The following MAP3K12 variants were observed in gnomAD, a reference collection of about 807,000 sequenced individuals.
The protein encoded by MAP3K12 is MAPK-upstream kinase.
In MAP3K12, 14 loss-of-function variants were observed where a neutral mutation model predicts 87.5. That is an observed-to-expected ratio of 0.16 (90% CI 0.11 to 0.25). The LOEUF (loss-of-function observed/expected upper bound fraction) is 0.25, where lower values mean the gene tolerates loss of function less well. Ranked by LOEUF, MAP3K12 falls within the 10% of genes least tolerant of loss-of-function variation. The pLI is 1.00. For synonymous variants in MAP3K12, 469 were observed against 452.5 expected (o/e 1.04, Z -0.46); for missense variants, 802 against 1,140.4 (o/e 0.70, Z 4.27).
At chr12:53,482,451 C>T (rs1274598689) in intron 11 of MAP3K12, 82 bp from the exon 12 acceptor site, 32 of 1,606,440 alleles carry the variant, frequency 2.0e-5, no homozygotes, top group Middle Eastern at 1.7e-4. Flanking sequence ...AACATAGTTA[C>T]GAAGGGTGAA....
At chr12:53,493,430 A>G (rs1943470864) in intron 1 of MAP3K12, among the ~76,000 whole-genome samples, 1 of 152,146 alleles carries the variant, frequency 6.6e-6, no homozygotes, top group Non-Finnish European at 1.5e-5. Context: ...TTGGGGGTGC[A>G]GTACCACAGG....
In MAP3K12 at chr12:53,485,415, C is replaced by T. The variant is rs748037213; in HGVS notation, c.882G>A (p.Leu294=). The T allele has an allele frequency of 8.1e-6, 13 of 1,614,094 alleles. No individual in the cohort carries two copies. The highest frequency in any genetic ancestry group is 1.1e-5 in the Non-Finnish European group (13 of 1,180,048). Residue 294 remains leucine (L), a synonymous_variant, in exon 5 of 14, where the codon CTG becomes CTA. Coordinates refer to ENST00000547488, the MANE Select transcript of MAP3K12 (RefSeq NM_001193511.2). ...KISDFGTSKE[L]SDKSTKMSFA... The stretch of plus-strand genomic sequence containing the variant: ...AGGACATCTTGGTGCTCTTGTCACT[C>T]AGCTCCTTGGAAGTGCCAAAATCTG...
rs771036403 is a variant in MAP3K12 at position 53,487,264 on chromosome 12, G to A, written c.128C>T (p.Thr43Met). Residue 43 changes from threonine (T) to methionine (M), a missense_variant, in exon 2 of 14, where the codon ACG becomes ATG. Coordinates refer to ENST00000547488, the MANE Select transcript of MAP3K12 (RefSeq NM_001193511.2). Reference protein sequence around the residue: ...TSDCTPEKDLTPTQCVLRDVV... With the variant: ...TSDCTPEKDLMPTQCVLRDVV... ...ATCTCGAAGTACACACTGGGTAGGCGTCAGGTCCTTCTCGGGAGTGCAGTC... is the reference window on the plus strand; with the variant it reads ...ATCTCGAAGTACACACTGGGTAGGCATCAGGTCCTTCTCGGGAGTGCAGTC... 7 of 1,613,936 alleles carry A rather than the reference G, an allele frequency of 4.3e-6. No homozygotes were observed. Among genetic ancestry groups the A allele is most frequent in the Admixed American group, 1.7e-5 (1 of 60,000 alleles).
At chr12:53,490,184 G>A (rs1446923871) in intron 1 of MAP3K12, among the ~76,000 whole-genome samples, 3 of 152,228 alleles carry the variant, frequency 2.0e-5, no homozygotes, top group Middle Eastern at 3.4e-3. Context: ...GGCACCTGTA[G>A]TCCCAGCTAC....
rs1943429397 is a variant in MAP3K12 at position 53,492,129 on chromosome 12, C to T, written c.-37-4701G>A. On this transcript the variant is annotated intron_variant, in intron 1 of 13. Transcript: ENST00000547488. ...AAAGAAGCTCAAGCTTCACCCCCAG[C>T]CTGGAAGGCGCTTCTCATCTCTATC... Among the ~76,000 whole-genome samples the T allele has an allele frequency of 1.3e-5, 2 of 152,068 alleles. 1 individual carries two copies. The highest frequency in any genetic ancestry group is 2.9e-5 in the Non-Finnish European group (2 of 68,004).
In MAP3K12 at chr12:53,486,561, C is replaced by T; in HGVS notation, c.507G>A (p.Gln169=). The part of the protein sequence containing the change: ...LDLQWVGSGA[Q]GAVFLGRFHG... Reference sequence around the variant, plus strand: ...GGAAGCGCCCCAGGAAGACAGCACCCTGGGCCCCTGAGCCCACCCACTGCA... The same window carrying T: ...GGAAGCGCCCCAGGAAGACAGCACCTTGGGCCCCTGAGCCCACCCACTGCA... Residue 169 remains glutamine (Q), a synonymous_variant, in exon 3 of 14, where the codon CAG becomes CAA. Coordinates refer to ENST00000547488, the MANE Select transcript of MAP3K12 (RefSeq NM_001193511.2). This position sits in a 1 kb window ranked among gnomAD's most constrained non-coding sequence, Gnocchi z 4.9. 9.3e-6 allele frequency: 15 copies of T among 1,613,980 alleles called. No homozygotes were observed. Among genetic ancestry groups the T allele is most frequent in the Non-Finnish European group, 1.3e-5 (15 of 1,179,962 alleles).
chr12:53,491,631 C>T (rs1013636993), intron 1 of MAP3K12, among the ~76,000 whole-genome samples: 1 of 151,676 alleles, frequency 6.6e-6, no homozygotes, highest in Non-Finnish European at 1.5e-5. Context: ...GACCGGGTTT[C>T]ACCGTGTTAG....
At position 53,482,160 on chromosome 12, in the gene MAP3K12, C is replaced by T. The variant is rs1943073301; in HGVS notation, c.2361G>A (p.Glu787=). 1.9e-6 allele frequency: 3 copies of T among 1,614,234 alleles called. No individual in the cohort carries two copies. Among genetic ancestry groups the T allele is most frequent in the African/African-American group, 1.3e-5 (1 of 75,066 alleles). ...TGCCTTCCTCCCCATCTGATGGATT[C>T]TCTGAGCTGAAGGTAGATAGTGACT... The part of the protein sequence containing the change: ...MRQSLSTFSS[E]NPSDGEEGTA... Residue 787 remains glutamate, a synonymous_variant, in exon 13 of 14, where the codon GAG becomes GAA. Coordinates refer to ENST00000547488, the MANE Select transcript of MAP3K12 (RefSeq NM_001193511.2).
chr12:53,486,067 G>C lies in MAP3K12; in HGVS notation c.810C>G (p.Leu270=). 2 of 1,607,214 alleles carry C rather than the reference G, an allele frequency of 1.2e-6. No individual in the cohort carries two copies. Among genetic ancestry groups the C allele is most frequent in the South Asian group, 1.1e-5 (1 of 90,038 alleles). Residue 270 remains leucine (L), a synonymous_variant, in exon 4 of 14, where the codon CTC becomes CTG. Transcript: ENST00000547488. This position sits in a 1 kb window ranked among gnomAD's most constrained non-coding sequence, Gnocchi z 4.9. ...LHLHKIIHRD[L]KSPNMLITYD... Reference sequence around the variant, plus strand: ...GCTTGCTTACTCACTTGGGTGACTTGAGATCCCTGTGGATAATCTTGTGCA... The same window carrying C: ...GCTTGCTTACTCACTTGGGTGACTTCAGATCCCTGTGGATAATCTTGTGCA...
intron 5 of MAP3K12, 51 bp from the exon 6 acceptor site, chr12:53,485,265 A>G (rs1193945108): frequency 8.1e-6 from 13 of 1,601,546 alleles, no homozygotes; most frequent in South Asian, 1.1e-5. Context: ...GTTGCCCACA[A>G]TCCCCCCAGG....
At chr12:53,483,780 G>C in intron 8 of MAP3K12, 57 bp from the exon 9 acceptor site, 1 of 1,612,450 alleles carries the variant, frequency 6.2e-7, no homozygotes, top group Non-Finnish European at 8.5e-7. Context: ...GGCCATAACA[G>C]ATCTCAGTCT....
intron 7 of MAP3K12, 61 bp from the exon 8 acceptor site, chr12:53,484,081 A>G: frequency 6.5e-7 from 1 of 1,549,090 alleles, no homozygotes; most frequent in Non-Finnish European, 8.9e-7. Context: ...AAGGCTCTGC[A>G]GGTTGCCCAC....
intron 1 of MAP3K12, among the ~76,000 whole-genome samples, chr12:53,495,706 C>T (rs961264733): frequency 3.9e-5 from 6 of 152,074 alleles, no homozygotes; most frequent in South Asian, 2.1e-4. Flanking sequence ...TTTTATTTTC[C>T]ATTTTTCAGG....
chr12:53,498,072 T>C (rs1295816870), intron 1 of MAP3K12, among the ~76,000 whole-genome samples: 1 of 152,182 alleles, frequency 6.6e-6, no homozygotes, highest in African/African-American at 2.4e-5. Flanking sequence ...GTCTCCATGT[T>C]GAGAGCTGGG....
At chr12:53,501,194 C>A, upstream of MAP3K12, 2 of 585,994 alleles carry the variant, frequency 3.4e-6, no homozygotes, top group Non-Finnish European at 6.0e-6. Flanking sequence ...CCTGCCCGGG[C>A]GAGCCACGCA....
intron 4 of MAP3K12, 132 bp downstream of exon 4, chr12:53,485,924 G>T: frequency 1.3e-6 from 1 of 780,718 alleles, no homozygotes; most frequent in Non-Finnish European, 2.0e-6. Flanking sequence ...TCTGAGATGG[G>T]ACTGTCACTT....
At chr12:53,492,622 A>G (rs989125807) in intron 1 of MAP3K12, among the ~76,000 whole-genome samples, 2 of 152,080 alleles carry the variant, frequency 1.3e-5, no homozygotes, top group African/African-American at 4.8e-5. Flanking sequence ...CCCACGCGTT[A>G]TTTGTGGCTT....
rs1443128040 is a variant in MAP3K12 at position 53,487,251 on chromosome 12, A to C, written c.141T>G (p.Cys47Trp). The C allele has an allele frequency of 6.2e-7, 1 of 1,613,562 alleles. No individual in the cohort carries two copies. ...CAAGGGGTACCACATCTCGAAGTAC[A>C]CACTGGGTAGGCGTCAGGTCCTTCT... is the stretch of plus-strand genomic sequence containing the variant. ...TPEKDLTPTQ[C>W]VLRDVVPLGG... Residue 47 changes from cysteine (C) to tryptophan (W), a missense_variant, in exon 2 of 14, where the codon TGT (cysteine) becomes TGG (tryptophan). This residue lies in a region of MAP3K12 where 135 missense variants were observed against 151.6 expected (regional missense o/e 0.89). Coordinates refer to ENST00000547488, the MANE Select transcript of MAP3K12 (RefSeq NM_001193511.2).
At chr12:53,495,499 G>A (rs934190512) in intron 1 of MAP3K12, among the ~76,000 whole-genome samples, 2 of 130,010 alleles carry the variant, frequency 1.5e-5, no homozygotes, top group South Asian at 5.0e-4. Context: ...GTAGTCCGCC[G>A]CCACTGCACT....
Sources: gnomAD v4.1 joint callset for allele counts (sites outside exome capture counted in the v4.1 genomes callset) on GRCh38, gnomAD v4.1.1 for gene constraint, gnomAD v4.1.1 regional missense constraint, Gnocchi (gnomAD v3.1) non-coding constraint, MANE v1.5 for transcripts, NCBI Gene and HGNC (gene_info 2026-07-23, HGNC 2026-07-21) for gene names.